FGF1: variants seen among roughly 807,000 people sequenced by gnomAD.
The protein encoded by FGF1 is fibroblast growth factor 1, also known as beta-endothelial cell growth factor.
Under a neutral mutation model 13.4 loss-of-function variants are expected in FGF1, and 9 were observed. The observed-to-expected ratio is 0.67, with a 90% CI of 0.40 to 1.17. The LOEUF (loss-of-function observed/expected upper bound fraction) is 1.17. FGF1 is among the 50% of genes most tolerant of loss of function. The probability of loss-of-function intolerance (pLI) is 0.01; values close to 1 mark genes in which losing one functional copy is unlikely to be tolerated. For missense variants in FGF1, 156 were observed against 192.7 expected (o/e 0.81, Z 1.13); for synonymous variants, 93 against 79.0 (o/e 1.18, Z -0.94).
chr5:142,647,741 G>T (rs1480675601), intron 1 of FGF1, among the ~76,000 whole-genome samples: 1 of 152,178 alleles, frequency 6.6e-6, no homozygotes, highest in African/African-American at 2.4e-5. Context: ...CATGAGGTCA[G>T]GTGTAGAATA....
At chr5:142,618,956 A>G (rs1352928419) in intron 1 of FGF1, among the ~76,000 whole-genome samples, 1 of 91,332 alleles carries the variant, frequency 1.1e-5, no homozygotes, top group Non-Finnish European at 1.9e-5. Flanking sequence ...TTTTTTTGAG[A>G]CGGAGTCCCG....
chr5:142,688,551 G>C (rs141052331), upstream of FGF1, among the ~76,000 whole-genome samples: 1 of 152,206 alleles, frequency 6.6e-6, no homozygotes, highest in African/African-American at 2.4e-5. Context: ...ATGCTAGATC[G>C]TATGCAGAAC....
At chr5:142,661,451 G>A (rs533488736) in intron 1 of FGF1, among the ~76,000 whole-genome samples, 8 of 152,222 alleles carry the variant, frequency 5.3e-5, no homozygotes, top group African/African-American at 1.4e-4. Context: ...TAAGCATAGC[G>A]TTACCATATG....
chr5:142,644,670 A>T (rs1010407560), intron 1 of FGF1, among the ~76,000 whole-genome samples: 7 of 152,178 alleles, frequency 4.6e-5, no homozygotes, highest in African/African-American at 1.4e-4. Context: ...CATGCATGTC[A>T]TATGATTTAG....
At chr5:142,695,341 G>A (rs190945784) in intron 2 of FGF1, among the ~76,000 whole-genome samples, 37 of 152,236 alleles carry the variant, frequency 2.4e-4, no homozygotes, top group African/African-American at 7.2e-4. Flanking sequence ...TTGGGAAGCC[G>A]AGGTGGGGGT....
In FGF1 at chr5:142,614,000, T is replaced by C. The variant is rs763784465; in HGVS notation, c.128A>G (p.Asp43Gly). The change falls in exon 2 of 4, where the codon GAT becomes GGT. Residue 43 changes from aspartate (D) to glycine (G), a missense_variant. Asp to Gly is a moderately conservative substitution (Grantham distance 94). Coordinates refer to ENST00000337706, the MANE Select transcript of FGF1 (RefSeq NM_000800.5). ...NGGHFLRILP[D>G]GTVDGTRDRS... ...GTCCCTTGTCCCATCCACTGTGCCA[T>C]CCGGAAGGATCCTCAGGAAGTGGCC... 2.5e-6 allele frequency: 4 copies of C among 1,613,992 alleles called. No individual in the cohort carries two copies. Among genetic ancestry groups the C allele is most frequent in the Admixed American group, 3.3e-5 (2 of 60,006 alleles).
intron 2 of FGF1, among the ~76,000 whole-genome samples, chr5:142,693,352 G>A (rs534857850): frequency 1.3e-5 from 2 of 152,172 alleles, no homozygotes; most frequent in Middle Eastern, 6.8e-3. Flanking sequence ...GTGCAGTGGA[G>A]TGATCTTGGC....
chr5:142,689,836 C>A (rs1751877062), upstream of FGF1, among the ~76,000 whole-genome samples: 1 of 150,102 alleles, frequency 6.7e-6, no homozygotes, highest in African/African-American at 2.4e-5. Flanking sequence ...GTAGCTGGGA[C>A]TACAGGCGCC....
chr5:142,661,255 C>T (rs1203755817), intron 1 of FGF1, among the ~76,000 whole-genome samples: 1 of 152,164 alleles, frequency 6.6e-6, no homozygotes, highest in East Asian at 1.9e-4. Context: ...ATGCTCAACC[C>T]CATTTGCCAC....
intron 1 of FGF1, among the ~76,000 whole-genome samples, chr5:142,670,149 C>T (rs561388756): frequency 6.6e-6 from 1 of 152,334 alleles, no homozygotes; most frequent in East Asian, 1.9e-4. Context: ...CAACCATTGG[C>T]TCAGAAACCT....
At chr5:142,694,523 G>C (rs988005367) in intron 2 of FGF1, among the ~76,000 whole-genome samples, 1 of 152,138 alleles carries the variant, frequency 6.6e-6, no homozygotes, top group African/African-American at 2.4e-5. Flanking sequence ...GGCTTGATGT[G>C]GGGGCACAGA....
At chr5:142,679,211 C>T (rs1407372139) in intron 1 of FGF1, among the ~76,000 whole-genome samples, 1 of 152,222 alleles carries the variant, frequency 6.6e-6, no homozygotes, top group African/African-American at 2.4e-5. Flanking sequence ...CCCTTCATCC[C>T]TGCACTCAGC....
chr5:142,618,114 G>A (rs921343383), intron 1 of FGF1, among the ~76,000 whole-genome samples: 1 of 152,168 alleles, frequency 6.6e-6, no homozygotes, highest in Non-Finnish European at 1.5e-5. Context: ...CAAGCCCAGC[G>A]AACTCCGTGT....
intron 2 of FGF1, among the ~76,000 whole-genome samples, chr5:142,611,284 C>A (rs1758985506): frequency 6.6e-6 from 1 of 152,182 alleles, no homozygotes; most frequent in Non-Finnish European, 1.5e-5. Flanking sequence ...GGGAGTACAT[C>A]CGTGCCCAGG....
At chr5:142,640,392 G>A (rs1233712122) in intron 1 of FGF1, among the ~76,000 whole-genome samples, 1 of 135,850 alleles carries the variant, frequency 7.4e-6, no homozygotes, top group African/African-American at 2.7e-5. Context: ...CACGGGGGCT[G>A]GAAGGGGAGA....
intron 1 of FGF1, among the ~76,000 whole-genome samples, chr5:142,629,092 C>A (rs6884797): frequency 0.17 from 26,227 of 152,046 alleles, 2,490 homozygotes; most frequent in Middle Eastern, 0.26. Flanking sequence ...TCTGTTCCAA[C>A]CTTTCCAGTT....
intron 3 of FGF1, among the ~76,000 whole-genome samples, chr5:142,600,057 T>C (rs1756150240): frequency 6.6e-6 from 1 of 152,352 alleles, no homozygotes. Flanking sequence ...GACACACCTA[T>C]AGCACGTAGT....
At chr5:142,690,832 C>G (rs1228407843), upstream of FGF1, among the ~76,000 whole-genome samples, 1 of 152,174 alleles carries the variant, frequency 6.6e-6, no homozygotes, top group Non-Finnish European at 1.5e-5. Flanking sequence ...CAAGTTCTCC[C>G]CCAACATACT....
At chr5:142,670,553 A>G (rs920534384) in intron 1 of FGF1, among the ~76,000 whole-genome samples, 5 of 152,170 alleles carry the variant, frequency 3.3e-5, no homozygotes, top group African/African-American at 1.2e-4. Context: ...CCACTCACAC[A>G]TGACAGCATG....
Sources: allele counts gnomAD v4.1 joint callset (sites outside exome capture counted in the v4.1 genomes callset), GRCh38; gene constraint gnomAD v4.1.1; transcripts MANE v1.5; gene names NCBI Gene and HGNC (gene_info 2026-07-23, HGNC 2026-07-21).